Variants in BLK observed in about 807,000 individuals in gnomAD.
The protein encoded by BLK is tyrosine-protein kinase Blk.
BLK carries 64 observed loss-of-function variants against 61.8 expected under a neutral mutation model. The observed-to-expected ratio is 1.03, with a 90% CI of 0.85 to 1.27. The LOEUF (loss-of-function observed/expected upper bound fraction) is 1.27. Ranked by LOEUF, BLK falls within the 50% of genes most tolerant of loss-of-function variation. The pLI is 0.00. For missense variants in BLK, 853 were observed against 660.5 expected, an observed-to-expected ratio of 1.29 and a Z score of -3.19; for synonymous variants, 351 against 272.0, an observed-to-expected ratio of 1.29 and a Z score of -2.86.
At chr8:11,523,488 G>C (rs548374321) in intron 1 of BLK, among the ~76,000 whole-genome samples, 2 of 152,304 alleles carry the variant, frequency 1.3e-5, no homozygotes, top group South Asian at 2.1e-4. Flanking sequence ...CGGAGAAGGA[G>C]ATTGCAGTGA....
At chr8:11,540,837 T>C (rs1014749400) in intron 1 of BLK, among the ~76,000 whole-genome samples, 2 of 134,070 alleles carry the variant, frequency 1.5e-5, no homozygotes, top group South Asian at 2.7e-4. Flanking sequence ...CCCACTGTTA[T>C]GAAACCACTC....
intron 1 of BLK, among the ~76,000 whole-genome samples, chr8:11,507,142 G>A (rs1382278974): frequency 6.6e-6 from 1 of 152,204 alleles, no homozygotes; most frequent in Non-Finnish European, 1.5e-5. Flanking sequence ...CAGTATAAAT[G>A]TACACTGTGA....
intron 1 of BLK, among the ~76,000 whole-genome samples, chr8:11,504,471 G>T (rs1798694225): frequency 1.3e-5 from 2 of 152,146 alleles, no homozygotes; most frequent in Admixed American, 1.3e-4. Flanking sequence ...TGTGGCCAAG[G>T]AAAGGGCCAC....
intron 1 of BLK, among the ~76,000 whole-genome samples, chr8:11,519,022 G>A (rs866236652): frequency 2.2e-4 from 33 of 152,224 alleles, no homozygotes; most frequent in Non-Finnish European, 3.8e-4. Flanking sequence ...TTTCTTTGTG[G>A]CACTTACCTC....
In BLK at chr8:11,554,895, A is replaced by C. The variant is rs768557357; in HGVS notation, c.619+6A>C. Reference sequence around the variant, plus strand: ...CCTGGTGCAGCACTATTCTAGTAAGAGGGGGCGTGCAATGGGGGCAGGGAC... The same window carrying C: ...CCTGGTGCAGCACTATTCTAGTAAGCGGGGGCGTGCAATGGGGGCAGGGAC... On this transcript the variant is annotated splice_donor_region_variant and intron_variant, in intron 7 of 12. Coordinates refer to ENST00000259089, the MANE Select transcript of BLK (RefSeq NM_001715.3). The C allele has an allele frequency of 6.2e-7, 1 of 1,612,074 alleles. No homozygotes were observed. Among genetic ancestry groups the C allele is most frequent in the Non-Finnish European group, 8.5e-7 (1 of 1,179,944 alleles).
intron 1 of BLK, among the ~76,000 whole-genome samples, chr8:11,520,734 A>G (rs562295255): frequency 5.3e-5 from 8 of 152,076 alleles, no homozygotes; most frequent in Middle Eastern, 3.4e-3. Flanking sequence ...AAGGTAATAC[A>G]ACATCTACAC....
chr8:11,564,446 T>G lies in BLK; in HGVS notation c.*338T>G, dbSNP rs1042695. 3,050 of 562,732 alleles carry G rather than the reference T, an allele frequency of 5.4e-3. 21 individuals are homozygous for G. Among genetic ancestry groups the G allele is most frequent in the Middle Eastern group, 0.014 (50 of 3,676 alleles). The allele number at this position is 562,732 out of a possible 1,614,324, so 34.9% of individuals were successfully genotyped here. ...CCCCCGTGCTGGGCACCCCCCGTGC[T>G]GGCCGCGTCCCCGCCTCTGCGCCCT... On this transcript the variant is annotated 3_prime_UTR_variant, in exon 13 of 13. Coordinates refer to ENST00000259089, the MANE Select transcript of BLK (RefSeq NM_001715.3).
chr8:11,498,656 C>G (rs1798445434), intron 1 of BLK, among the ~76,000 whole-genome samples: 1 of 152,158 alleles, frequency 6.6e-6, no homozygotes, highest in African/African-American at 2.4e-5. Flanking sequence ...AGGTTCAGCC[C>G]TGGCAATGTG....
At chr8:11,512,654 T>TTTTGTTTG (rs34375861) in intron 1 of BLK, among the ~76,000 whole-genome samples, 27,414 of 151,022 alleles carry the variant, frequency 0.18, 4,011 homozygotes, top group East Asian at 0.66. Flanking sequence ...AGGCTTCTGG[T>TTTTGTTTG]TTTGTTTGTT....
intron 1 of BLK, among the ~76,000 whole-genome samples, chr8:11,517,727 C>G (rs966221418): frequency 2.6e-5 from 4 of 152,190 alleles, no homozygotes; most frequent in Non-Finnish European, 5.9e-5. Context: ...CCCAGCCAAG[C>G]CAGAGGCTTA....
intron 1 of BLK, among the ~76,000 whole-genome samples, chr8:11,525,192 C>T (rs78199295): frequency 0.02 from 3,084 of 152,276 alleles, 97 homozygotes; most frequent in African/African-American, 0.07. Flanking sequence ...GGCACACAGA[C>T]GTATTTGCTT....
chr8:11,507,988 A>C (rs1798845578), intron 1 of BLK, among the ~76,000 whole-genome samples: 1 of 152,100 alleles, frequency 6.6e-6, no homozygotes, highest in South Asian at 2.1e-4. Context: ...GTGGCACATC[A>C]GGCACACTGG....
intron 1 of BLK, among the ~76,000 whole-genome samples, chr8:11,527,619 T>C (rs1018400725): frequency 3.2e-4 from 49 of 151,832 alleles, no homozygotes; most frequent in Non-Finnish European, 5.9e-5. Flanking sequence ...TAATAGATAA[T>C]GGGTGTTGCT....
At chr8:11,542,092 A>G (rs1042518808) in intron 1 of BLK, among the ~76,000 whole-genome samples, 1 of 152,202 alleles carries the variant, frequency 6.6e-6, no homozygotes, top group African/African-American at 2.4e-5. Context: ...GAGCAATGAC[A>G]TGAGGAATGT....
chr8:11,531,427 A>G (rs1799882477), intron 1 of BLK, among the ~76,000 whole-genome samples: 1 of 152,196 alleles, frequency 6.6e-6, no homozygotes, highest in South Asian at 2.1e-4. Context: ...TATTCTTTAT[A>G]TCCTTTGTGA....
At chr8:11,519,517 A>G (rs79342467) in intron 1 of BLK, among the ~76,000 whole-genome samples, 1,744 of 152,352 alleles carry the variant, frequency 0.011, 36 homozygotes, top group African/African-American at 0.039. Flanking sequence ...CTTGAATGAC[A>G]TTAAAAAGGT....
At chr8:11,560,880 C>T in intron 10 of BLK, 1 of 464,986 alleles carries the variant, frequency 2.2e-6, no homozygotes, top group South Asian at 1.5e-5. Context: ...CCGAGGGCCT[C>T]CAGCTCCAGG....
At chr8:11,537,821 A>G (rs949325339) in intron 1 of BLK, among the ~76,000 whole-genome samples, 2 of 152,190 alleles carry the variant, frequency 1.3e-5, no homozygotes, top group African/African-American at 2.4e-5. Flanking sequence ...TAGTTTCTCT[A>G]TTTTTAGTTG....
At chr8:11,514,346 G>C (rs1401301288) in intron 1 of BLK, among the ~76,000 whole-genome samples, 3 of 152,244 alleles carry the variant, frequency 2.0e-5, no homozygotes, top group Admixed American at 6.5e-5. Flanking sequence ...GAGAGGCAAT[G>C]CTGTCTTAGT....
Sources: allele counts gnomAD v4.1 joint callset (sites outside exome capture counted in the v4.1 genomes callset), GRCh38; gene constraint gnomAD v4.1.1; transcripts MANE v1.5; gene names NCBI Gene and HGNC (gene_info 2026-07-23, HGNC 2026-07-21).